The following RELN variants were observed in gnomAD, a reference collection of about 807,000 sequenced individuals.
The protein encoded by RELN is reelin.
RELN carries 108 observed loss-of-function variants against 427.6 expected under a neutral mutation model. The ratio of observed to expected loss-of-function variants is 0.25; its 90% confidence interval spans 0.22 to 0.30. The LOEUF is 0.30. Among genes scored for constraint, RELN ranks in the 10% least tolerant of loss-of-function variants. RELN has a pLI of 1.00. For missense variants in RELN, 3,715 were observed against 4,302.8 expected (o/e 0.86, Z 3.82); for synonymous variants, 1,524 against 1,513.4 (o/e 1.01, Z -0.16).
At chr7:103,580,564 A>C (rs560852891) in intron 28 of RELN, among the ~76,000 whole-genome samples, 45 of 152,300 alleles carry the variant, frequency 3.0e-4, no homozygotes, top group African/African-American at 1.0e-3. Context: ...AGGTGTGTAT[A>C]TATTTAATTA....
chr7:103,502,076 G>A (rs752486071), intron 52 of RELN, among the ~76,000 whole-genome samples: 2 of 152,136 alleles, frequency 1.3e-5, no homozygotes, highest in Non-Finnish European at 2.9e-5. Flanking sequence ...TGAAGACACC[G>A]TTCAACTTAC....
At chr7:103,586,088 G>T (rs1330608412) in intron 28 of RELN, among the ~76,000 whole-genome samples, 1 of 152,194 alleles carries the variant, frequency 6.6e-6, no homozygotes, top group African/African-American at 2.4e-5. Flanking sequence ...AGCCAGGCCG[G>T]GCGTGATGGC....
intron 56 of RELN, 58 bp from the exon 57 acceptor site, chr7:103,495,956 C>A: frequency 1.3e-6 from 2 of 1,564,988 alleles, no homozygotes; most frequent in Non-Finnish European, 1.8e-6. Flanking sequence ...AAATTGGAAG[C>A]AATATGGCAT....
chr7:103,718,247 T>C (rs1165823256), intron 8 of RELN, among the ~76,000 whole-genome samples: 1 of 151,686 alleles, frequency 6.6e-6, no homozygotes, highest in Non-Finnish European at 1.5e-5. Flanking sequence ...TAAGAACATC[T>C]GTGTATCTTA....
At position 103,824,281 on chromosome 7, in the gene RELN, A is replaced by G. The variant is rs891716765; in HGVS notation, c.473+9256T>C. ...CTTCACTTGGAGTTCTGCACAGATT[A>G]CTAATGTAAAGCTAGACTCCATATA... On this transcript the variant is annotated intron_variant, in intron 3 of 64. Coordinates refer to ENST00000428762, the MANE Select transcript of RELN (RefSeq NM_005045.4). This position sits in a 1 kb window ranked among gnomAD's most constrained non-coding sequence, Gnocchi z 4.4. 6.6e-6 allele frequency among the ~76,000 whole-genome samples: 1 copy of G among 152,076 alleles called. No individual in the cohort carries two copies. The highest frequency in any genetic ancestry group is 6.6e-5 in the Admixed American group (1 of 15,214).
At chr7:103,482,655 A>G (rs548486170) in intron 63 of RELN, 48 of 494,124 alleles carry the variant, frequency 9.7e-5, no homozygotes, top group Non-Finnish European at 1.2e-4. Flanking sequence ...TGTTGTGCTT[A>G]TGGAAGTTTT....
chr7:103,790,126 T>A (rs555599441), intron 3 of RELN, among the ~76,000 whole-genome samples: 328 of 151,576 alleles, frequency 2.2e-3, no homozygotes, highest in Non-Finnish European at 4.0e-3. Flanking sequence ...TAAGTGGGAG[T>A]TGAACAATGA....
At chr7:103,982,721 T>A (rs1797017844) in intron 1 of RELN, among the ~76,000 whole-genome samples, 1 of 152,138 alleles carries the variant, frequency 6.6e-6, no homozygotes, top group Admixed American at 6.5e-5. Flanking sequence ...GTCCTTATGG[T>A]CTACTGTCAC....
intron 2 of RELN, among the ~76,000 whole-genome samples, chr7:103,872,417 T>C (rs1794369208): frequency 7.2e-6 from 1 of 138,870 alleles, no homozygotes; most frequent in Non-Finnish European, 1.6e-5. Flanking sequence ...GGCTGCATAG[T>C]ATTCCATGGT....
intron 24 of RELN, among the ~76,000 whole-genome samples, chr7:103,598,422 A>AT (rs1831589129): frequency 6.6e-6 from 1 of 152,200 alleles, no homozygotes. Context: ...AGGAAGAATG[A>AT]TTTTTGGAAG....
intron 48 of RELN, 43 bp from the exon 49 acceptor site, chr7:103,519,559 C>A: frequency 7.1e-7 from 1 of 1,408,140 alleles, no homozygotes; most frequent in South Asian, 1.2e-5. Context: ...TAAGGAATCT[C>A]GATTGCAGAT....
rs186580403 is a variant in RELN at position 103,670,248 on chromosome 7, A to T, written c.1290-8721T>A. ...TAGGGTAGCTTGGCAATAACTATCA[A>T]AACTGAAATTATATACCTACATAAG... is the stretch of plus-strand genomic sequence containing the variant. On this transcript the variant is annotated intron_variant, in intron 11 of 64. Coordinates refer to ENST00000428762, the MANE Select transcript of RELN (RefSeq NM_005045.4). 3.9e-5 allele frequency among the ~76,000 whole-genome samples: 6 copies of T among 152,236 alleles called. No individual in the cohort carries two copies. In the East Asian group the frequency reaches 1.2e-3, roughly 29 times the overall value.
intron 16 of RELN, among the ~76,000 whole-genome samples, chr7:103,643,041 G>A (rs1265923676): frequency 1.3e-5 from 2 of 151,850 alleles, no homozygotes; most frequent in African/African-American, 4.8e-5. Context: ...ATAAATATTG[G>A]GAAATAATTC....
intron 11 of RELN, among the ~76,000 whole-genome samples, chr7:103,680,687 T>A (rs1290150858): frequency 6.6e-6 from 1 of 151,526 alleles, no homozygotes; most frequent in Non-Finnish European, 1.5e-5. Context: ...AACCACTGTT[T>A]CTTTTTTTCC....
intron 16 of RELN, among the ~76,000 whole-genome samples, chr7:103,648,662 T>A (rs774908967): frequency 2.6e-5 from 4 of 151,896 alleles, no homozygotes; most frequent in Non-Finnish European, 5.9e-5. Context: ...AACCTACAGA[T>A]TGGGAGAAAA....
intron 4 of RELN, among the ~76,000 whole-genome samples, chr7:103,760,374 C>T (rs1177687888): frequency 1.3e-5 from 2 of 151,934 alleles, no homozygotes; most frequent in African/African-American, 2.4e-5. Context: ...AGAATGAGGT[C>T]GTGTTTAATT....
At chr7:103,663,977 C>T (rs1389222448) in intron 11 of RELN, among the ~76,000 whole-genome samples, 1 of 152,142 alleles carries the variant, frequency 6.6e-6, no homozygotes, top group African/African-American at 2.4e-5. Flanking sequence ...CCAGTCTGTC[C>T]GATTCCTTTT....
At chr7:103,871,974 C>T (rs1318533152) in intron 2 of RELN, among the ~76,000 whole-genome samples, 1 of 150,534 alleles carries the variant, frequency 6.6e-6, no homozygotes, top group Admixed American at 6.6e-5. Context: ...TAATTATTCA[C>T]ATGATCACTT....
At chr7:103,818,375 A>T (rs1375247975) in intron 3 of RELN, among the ~76,000 whole-genome samples, 1 of 152,244 alleles carries the variant, frequency 6.6e-6, no homozygotes, top group African/African-American at 2.4e-5. Context: ...TTTCTTAATT[A>T]ATGTGATGAC....
Sources: gnomAD v4.1 joint callset for allele counts (sites outside exome capture counted in the v4.1 genomes callset) on GRCh38, gnomAD v4.1.1 for gene constraint, Gnocchi (gnomAD v3.1) non-coding constraint, MANE v1.5 for transcripts, NCBI Gene and HGNC (gene_info 2026-07-23, HGNC 2026-07-21) for gene names.